Variants in F13A1 observed in about 807,000 individuals in gnomAD.
F13A1 encodes coagulation factor XIII A chain.
F13A1 carries 47 observed loss-of-function variants against 80.1 expected under a neutral mutation model. The observed-to-expected ratio is 0.59, with a 90% CI of 0.46 to 0.75. The LOEUF (loss-of-function observed/expected upper bound fraction) is 0.75. F13A1 is among the 30% of genes least tolerant of loss of function. The pLI, the probability that F13A1 is intolerant of heterozygous loss-of-function variation, is 0.00. For synonymous variants in F13A1, 349 were observed against 344.9 expected (o/e 1.01, Z -0.13); for missense variants, 817 against 930.4 (o/e 0.88, Z 1.59).
At chr6:6,300,588 G>T (rs562083821) in intron 3 of F13A1, among the ~76,000 whole-genome samples, 3 of 152,040 alleles carry the variant, frequency 2.0e-5, no homozygotes, top group Non-Finnish European at 4.4e-5. Context: ...GCAATGCCTC[G>T]CCCTGCTTCG....
Position 6,167,531 on chromosome 6 carries a change from C to A in F13A1, c.1835G>T (p.Arg612Leu). The A allele has an allele frequency of 2.5e-6, 4 of 1,613,994 alleles. No homozygotes were observed. The highest frequency in any genetic ancestry group is 2.5e-6 in the Non-Finnish European group (3 of 1,180,006). The change falls in exon 13 of 15, where the codon CGC becomes CTC. Residue 612 changes from arginine (R) to leucine (L), a missense_variant. Transcript: ENST00000264870. ...QASLHFFVTA[R>L]INETRDVLAK... ...CAGAACATCCCTGGTCTCATTGATG[C>A]GAGCTGTGACAAAGAAGTGCAGGGA...
intron 8 of F13A1, among the ~76,000 whole-genome samples, chr6:6,217,003 G>A (rs908261846): frequency 1.0e-3 from 152 of 148,324 alleles, no homozygotes; most frequent in Non-Finnish European, 1.7e-3. Context: ...AGTTAGAATG[G>A]CAATCATTAA....
intron 8 of F13A1, among the ~76,000 whole-genome samples, chr6:6,220,102 G>C (rs1024686989): frequency 4.6e-5 from 7 of 152,174 alleles, no homozygotes; most frequent in African/African-American, 1.4e-4. Flanking sequence ...TTTAATCCCT[G>C]TGCTTCATGG....
chr6:6,205,805 C>T (rs1320226267), intron 8 of F13A1, among the ~76,000 whole-genome samples: 2 of 151,388 alleles, frequency 1.3e-5, no homozygotes, highest in East Asian at 1.9e-4. Flanking sequence ...TAAAACAAAA[C>T]AAAACGAAAA....
At chr6:6,307,983 T>G (rs1758537020) in intron 2 of F13A1, among the ~76,000 whole-genome samples, 1 of 152,042 alleles carries the variant, frequency 6.6e-6, no homozygotes, top group Non-Finnish European at 1.5e-5. Flanking sequence ...TAGGATTTTT[T>G]TTTTTTCTGA....
At chr6:6,171,463 A>C (rs1760771731) in intron 12 of F13A1, among the ~76,000 whole-genome samples, 1 of 152,144 alleles carries the variant, frequency 6.6e-6, no homozygotes, top group South Asian at 2.1e-4. Context: ...CCACATATCC[A>C]GTCTCTCAGC....
intron 3 of F13A1, among the ~76,000 whole-genome samples, chr6:6,302,821 G>A (rs1308025356): frequency 6.6e-6 from 1 of 152,212 alleles, no homozygotes; most frequent in African/African-American, 2.4e-5. Flanking sequence ...GTCATTGACT[G>A]AAATGTTGCT....
intron 12 of F13A1, among the ~76,000 whole-genome samples, chr6:6,173,765 G>C (rs1417119105): frequency 2.0e-5 from 3 of 152,048 alleles, no homozygotes. Flanking sequence ...ATTCATTCTG[G>C]ACAGCCCCCA....
chr6:6,204,010 G>A (rs1294151248), intron 8 of F13A1, among the ~76,000 whole-genome samples: 1 of 152,136 alleles, frequency 6.6e-6, no homozygotes, highest in East Asian at 1.9e-4. Flanking sequence ...TTCAAAATCT[G>A]TCTTGGTTCT....
intron 8 of F13A1, among the ~76,000 whole-genome samples, chr6:6,210,656 A>C (rs1234487142): frequency 6.6e-6 from 1 of 151,768 alleles, no homozygotes; most frequent in African/African-American, 2.4e-5. Flanking sequence ...AGCCTCCTAA[A>C]TTGCTGGGAT....
intron 13 of F13A1, among the ~76,000 whole-genome samples, chr6:6,166,703 G>A (rs1446302092): frequency 1.3e-5 from 2 of 152,172 alleles, no homozygotes; most frequent in Non-Finnish European, 2.9e-5. Flanking sequence ...GGAGCACAGA[G>A]GCTCCCACAT....
chr6:6,226,892 G>A (rs1237577183), intron 6 of F13A1, among the ~76,000 whole-genome samples: 2 of 152,138 alleles, frequency 1.3e-5, no homozygotes, highest in Non-Finnish European at 2.9e-5. Context: ...CCTGAGGAAG[G>A]GAGTTATCAG....
At chr6:6,163,327 C>G (rs1391954532) in intron 13 of F13A1, among the ~76,000 whole-genome samples, 2 of 152,160 alleles carry the variant, frequency 1.3e-5, no homozygotes, top group Non-Finnish European at 2.9e-5. Context: ...TTTCCAAGTC[C>G]TCATTTTTAA....
chr6:6,271,815 C>T (rs79445902), intron 3 of F13A1, among the ~76,000 whole-genome samples: 1,819 of 152,288 alleles, frequency 0.012, 32 homozygotes, highest in African/African-American at 0.041. Flanking sequence ...AGGCAAAAGC[C>T]GCTTGGACCA....
Position 6,318,398 on chromosome 6 carries a change from T to TA in F13A1, c.130+136dup, listed in dbSNP as rs372814256. On this transcript the variant is annotated intron_variant, in intron 2 of 14. Coordinates refer to ENST00000264870, the MANE Select transcript of F13A1 (RefSeq NM_000129.4). ...AGAAAGCTTTTGCTTTCTTCCTTTA[T>TA]AAAACCAGAGATTGGCAGGGGGCTT... 813 of 1,176,722 alleles carry TA rather than the reference T, an allele frequency of 6.9e-4. 5 individuals carry two copies. In the African/African-American group the frequency reaches 0.011, roughly 16 times the overall value. 72.9% of individuals were successfully genotyped at this position (1,176,722 alleles called of 1,614,324 possible).
chr6:6,209,792 C>T (rs1241176035), intron 8 of F13A1, among the ~76,000 whole-genome samples: 1 of 152,166 alleles, frequency 6.6e-6, no homozygotes, highest in African/African-American at 2.4e-5. Context: ...ATGATCAGAA[C>T]TGGCAAATCC....
chr6:6,211,718 C>T (rs994026907), intron 8 of F13A1, among the ~76,000 whole-genome samples: 16 of 152,326 alleles, frequency 1.1e-4, no homozygotes, highest in African/African-American at 2.6e-4. Flanking sequence ...CAGCTCCCAG[C>T]GTGAGTGACA....
chr6:6,219,350 C>A (rs1757154863), intron 8 of F13A1, among the ~76,000 whole-genome samples: 1 of 151,946 alleles, frequency 6.6e-6, no homozygotes, highest in Non-Finnish European at 1.5e-5. Flanking sequence ...CCCTTCCTCA[C>A]CAGCCCTATG....
intron 3 of F13A1, among the ~76,000 whole-genome samples, chr6:6,279,526 G>T (rs1173351454): frequency 1.3e-5 from 2 of 152,148 alleles, no homozygotes; most frequent in Non-Finnish European, 2.9e-5. Context: ...GGTGGAGAGG[G>T]ACTTGGTGGG....
Sources: allele counts gnomAD v4.1 joint callset (sites outside exome capture counted in the v4.1 genomes callset), GRCh38; gene constraint gnomAD v4.1.1; transcripts MANE v1.5; gene names NCBI Gene and HGNC (gene_info 2026-07-23, HGNC 2026-07-21).